Variants in WWC1 observed in about 807,000 individuals in gnomAD.
WWC1 encodes WW and C2 domain containing 1.
WWC1 carries 55 observed loss-of-function variants against 138.4 expected under a neutral mutation model. The ratio of observed to expected loss-of-function variants is 0.40; its 90% CI spans 0.32 to 0.50. WWC1 has a LOEUF of 0.50. WWC1 is among the 20% of genes least tolerant of loss of function. The pLI is 0.72. For synonymous variants in WWC1, 524 were observed against 564.9 expected (o/e 0.93, Z 1.03); for missense variants, 1,226 against 1,420.4 (o/e 0.86, Z 2.20).
chr5:168,427,351 A>G (rs1449133475), intron 11 of WWC1, among the ~76,000 whole-genome samples: 1 of 152,094 alleles, frequency 6.6e-6, no homozygotes, highest in Non-Finnish European at 1.5e-5. Flanking sequence ...CAACAGCCCT[A>G]TAAGTAGGTA....
intron 17 of WWC1, among the ~76,000 whole-genome samples, chr5:168,451,322 A>G (rs1314587287): frequency 6.6e-6 from 1 of 152,150 alleles, no homozygotes; most frequent in Non-Finnish European, 1.5e-5. Flanking sequence ...GTGCCTGGCC[A>G]AAAACCTGAT....
intron 15 of WWC1, among the ~76,000 whole-genome samples, chr5:168,432,079 G>C (rs1781998219): frequency 6.7e-6 from 1 of 148,492 alleles, no homozygotes; most frequent in South Asian, 2.1e-4. Context: ...ACAGAGTAAT[G>C]AAAGCAAACA....
intron 3 of WWC1, among the ~76,000 whole-genome samples, chr5:168,387,616 G>A (rs764529717): frequency 7.2e-5 from 11 of 152,140 alleles, no homozygotes; most frequent in African/African-American, 2.7e-4. Context: ...TAGCATGGTC[G>A]AGTTCTGGTG....
At chr5:168,417,543 A>T (rs1780754846) in intron 9 of WWC1, among the ~76,000 whole-genome samples, 1 of 152,004 alleles carries the variant, frequency 6.6e-6, no homozygotes, top group Non-Finnish European at 1.5e-5. Flanking sequence ...CAGAGCTGGG[A>T]TTAGAAGACC....
rs185315239 is a variant in WWC1 at position 168,327,822 on chromosome 5, G to A, written c.119+35551G>A. On this transcript the variant is annotated intron_variant, in intron 1 of 22. Coordinates refer to ENST00000265293, the MANE Select transcript of WWC1 (RefSeq NM_015238.3). ...GGATATCAAATGAGAATATAAGCTC[G>A]TGTTGGCAGGAATATGCTCCCCACT... 9.8e-5 allele frequency among the ~76,000 whole-genome samples: 15 copies of A among 152,338 alleles called. No individual in the cohort carries two copies. In the South Asian group the frequency reaches 2.1e-3, roughly 21 times the overall value.
chr5:168,463,428 T>A (rs996046258), intron 20 of WWC1, among the ~76,000 whole-genome samples: 2 of 152,146 alleles, frequency 1.3e-5, no homozygotes, highest in African/African-American at 4.8e-5. Flanking sequence ...CCTGTGACGG[T>A]CTCTACAACA....
intron 1 of WWC1, among the ~76,000 whole-genome samples, chr5:168,347,039 C>T (rs1774536437): frequency 6.6e-6 from 1 of 152,138 alleles, no homozygotes; most frequent in African/African-American, 2.4e-5. Context: ...CTGGATGGTT[C>T]CTGGATCATT....
intron 15 of WWC1, among the ~76,000 whole-genome samples, chr5:168,438,741 A>T (rs1188550850): frequency 1.3e-5 from 2 of 152,116 alleles, no homozygotes; most frequent in African/African-American, 4.8e-5. Flanking sequence ...GAAACAATAA[A>T]GCCTCTGAGG....
intron 1 of WWC1, among the ~76,000 whole-genome samples, chr5:168,368,595 C>A (rs1413038679): frequency 6.6e-6 from 1 of 152,130 alleles, no homozygotes; most frequent in Non-Finnish European, 1.5e-5. Context: ...CCTGACCATG[C>A]CTGTTTCCCC....
intron 1 of WWC1, among the ~76,000 whole-genome samples, chr5:168,326,629 C>T (rs1772580246): frequency 6.6e-6 from 1 of 152,112 alleles, no homozygotes; most frequent in Non-Finnish European, 1.5e-5. Context: ...ACCTCCGCCT[C>T]CTGTGTCCTG....
chr5:168,465,651 G>C (rs1757231187), intron 21 of WWC1, among the ~76,000 whole-genome samples: 2 of 136,434 alleles, frequency 1.5e-5, no homozygotes, highest in Non-Finnish European at 3.0e-5. Context: ...CCACCTCCCA[G>C]GCTCTAATTG....
chr5:168,364,338 C>A (rs1776118895), intron 1 of WWC1, among the ~76,000 whole-genome samples: 2 of 152,190 alleles, frequency 1.3e-5, no homozygotes, highest in African/African-American at 4.8e-5. Context: ...GACTACACCC[C>A]ATTGCTGCAT....
intron 1 of WWC1, among the ~76,000 whole-genome samples, chr5:168,367,394 G>T (rs2042214): frequency 2.6e-5 from 4 of 151,340 alleles, no homozygotes; most frequent in Admixed American, 6.6e-5. Flanking sequence ...TGCAGTGGCG[G>T]GATCTCGGCT....
At chr5:168,325,768 C>T (rs1388883756) in intron 1 of WWC1, among the ~76,000 whole-genome samples, 1 of 152,160 alleles carries the variant, frequency 6.6e-6, no homozygotes, top group Non-Finnish European at 1.5e-5. Context: ...ATCTCCAGAA[C>T]TCTTTTCATC....
intron 5 of WWC1, among the ~76,000 whole-genome samples, chr5:168,404,915 C>G (rs1779665133): frequency 6.6e-6 from 1 of 151,006 alleles, no homozygotes; most frequent in Admixed American, 6.6e-5. Context: ...TAATTTTTCC[C>G]CCATCAAAAT....
chr5:168,427,623 T>C (rs2152856973), intron 11 of WWC1, among the ~76,000 whole-genome samples: 2 of 143,792 alleles, frequency 1.4e-5, no homozygotes, highest in African/African-American at 2.6e-5. Context: ...CTGTCTTCCA[T>C]AGAGAGTGTA....
Position 168,410,376 on chromosome 5 carries a change from CT to C in WWC1, c.941+383del, listed in dbSNP as rs562008101. Among the ~76,000 whole-genome samples the C allele has an allele frequency of 2.2e-4, 34 of 152,350 alleles. 1 individual carries two copies. In the South Asian group the frequency reaches 3.9e-3, roughly 18 times the overall value. ...CTAAAAAGATTATGGACACTACCCA[CT>C]TCAGTGTCTCCTGCACAGCTGGGAG... On this transcript the variant is annotated intron_variant, in intron 8 of 22. Transcript: ENST00000265293.
intron 1 of WWC1, among the ~76,000 whole-genome samples, chr5:168,336,811 G>A (rs1172571945): frequency 6.6e-6 from 1 of 152,262 alleles, no homozygotes; most frequent in East Asian, 1.9e-4. Flanking sequence ...GGAATTGGTT[G>A]GAATCACTGC....
intron 2 of WWC1, among the ~76,000 whole-genome samples, chr5:168,376,265 G>C (rs1987112): frequency 0.093 from 13,959 of 150,024 alleles, 1,182 homozygotes; most frequent in East Asian, 0.42. Context: ...TGTTGGCCAG[G>C]CTGGTTTCAA....
Sources: allele counts gnomAD v4.1 joint callset (sites outside exome capture counted in the v4.1 genomes callset), GRCh38; gene constraint gnomAD v4.1.1; transcripts MANE v1.5; gene names NCBI Gene and HGNC (gene_info 2026-07-23, HGNC 2026-07-21).